The following MTUS2 variants were observed in gnomAD, a reference collection of about 807,000 sequenced individuals.
MTUS2 encodes microtubule associated scaffold protein 2.
A neutral mutation model predicts 114.1 loss-of-function variants in MTUS2; 40 were observed. The observed-to-expected ratio is 0.35, with a 90% CI of 0.27 to 0.46. MTUS2 has a LOEUF of 0.46. Ranked by LOEUF, MTUS2 falls within the 20% of genes least tolerant of loss-of-function variation. MTUS2 has a pLI of 1.00. For missense variants in MTUS2, 1,679 were observed against 1,705.4 expected, an observed-to-expected ratio of 0.98 and a Z score of 0.27; for synonymous variants, 688 against 672.0, an observed-to-expected ratio of 1.02 and a Z score of -0.37.
chr13:29,019,026 C>T (rs376699490), intron 2 of MTUS2, among the ~76,000 whole-genome samples: 2 of 151,906 alleles, frequency 1.3e-5, no homozygotes, highest in Admixed American at 6.6e-5. Flanking sequence ...AAACAATGGC[C>T]CTTACACAAC....
intron 2 of MTUS2, among the ~76,000 whole-genome samples, chr13:29,012,395 C>A (rs1885884413): frequency 6.6e-6 from 1 of 152,106 alleles, no homozygotes; most frequent in African/African-American, 2.4e-5. Context: ...GCTACTCAGT[C>A]CAGCGTGTCC....
intron 9 of MTUS2, among the ~76,000 whole-genome samples, chr13:29,443,298 T>C (rs1429027350): frequency 6.6e-6 from 1 of 152,208 alleles, no homozygotes; most frequent in Non-Finnish European, 1.5e-5. Flanking sequence ...GCACTCCCCA[T>C]GGGCAAGCTT....
chr13:28,865,491 C>A, intron 2 of MTUS2, among the ~76,000 whole-genome samples: 1 of 152,178 alleles, frequency 6.6e-6, no homozygotes, highest in South Asian at 2.1e-4. Flanking sequence ...CTTTTCTCAG[C>A]CATTTGTGCT....
In MTUS2 at chr13:29,033,926, C is replaced by T. The variant is rs767059673; in HGVS notation, c.2247C>T (p.Pro749=). The T allele has an allele frequency of 1.9e-6, 3 of 1,613,950 alleles. No homozygotes were observed. Among genetic ancestry groups the T allele is most frequent in the Non-Finnish European group, 2.5e-6 (3 of 1,179,860 alleles). The part of the protein sequence containing the change: ...HPGKEEFCSP[P]YAHYEVPPTF... ...GAAAAGAAGAGTTTTGTTCTCCTCC[C>T]TATGCTCATTATGAAGTCCCTCCAA... The change falls in exon 4 of 16, where the codon CCC becomes CCT. Residue 749 remains proline (P), a synonymous_variant. Coordinates refer to ENST00000612955, the MANE Select transcript of MTUS2 (RefSeq NM_001033602.4).
rs1305857562 is a variant in MTUS2, at chr13:29,024,513, C to G, written c.-186C>G. The G allele has an allele frequency of 1.5e-6, 1 of 658,080 alleles. No homozygotes were observed. Among genetic ancestry groups the G allele is most frequent in the Non-Finnish European group, 2.6e-6 (1 of 390,006 alleles). The allele number at this position is 658,080 out of a possible 1,614,324, so 40.8% of individuals were successfully genotyped here. A position where few individuals can be genotyped will look rare whatever the true frequency, so the allele number is the denominator to read the frequency against. On this transcript the variant is annotated 5_prime_UTR_variant, in exon 3 of 16. Coordinates refer to ENST00000612955, the MANE Select transcript of MTUS2 (RefSeq NM_001033602.4). Reference sequence around the variant, plus strand: ...GGAACCTAACAGATAAGTCTTCCTGCTGTATATCAAGACAATGCTTGGTTT... The same window carrying G: ...GGAACCTAACAGATAAGTCTTCCTGGTGTATATCAAGACAATGCTTGGTTT...
chr13:28,995,486 T>C (rs910711028), intron 2 of MTUS2, among the ~76,000 whole-genome samples: 4 of 152,174 alleles, frequency 2.6e-5, no homozygotes, highest in African/African-American at 9.7e-5. Flanking sequence ...TAAATTACCT[T>C]GGGCAGTATG....
intron 6 of MTUS2, among the ~76,000 whole-genome samples, chr13:29,310,256 A>G (rs142097727): frequency 6.8e-4 from 104 of 152,308 alleles, no homozygotes; most frequent in Non-Finnish European, 1.2e-3. Context: ...AGTTCAAGTA[A>G]CCTGCCTCAG....
chr13:28,912,304 G>A (rs9579250), intron 2 of MTUS2, among the ~76,000 whole-genome samples: 5 of 152,100 alleles, frequency 3.3e-5, no homozygotes, highest in East Asian at 3.9e-4. Flanking sequence ...CAGGTTTGTC[G>A]AAGATCAGAT....
At chr13:28,993,908 T>A (rs1199317971) in intron 2 of MTUS2, among the ~76,000 whole-genome samples, 1 of 152,156 alleles carries the variant, frequency 6.6e-6, no homozygotes, top group African/African-American at 2.4e-5. Flanking sequence ...TATTTTTATT[T>A]TTTATTATTA....
intron 2 of MTUS2, among the ~76,000 whole-genome samples, chr13:28,924,745 A>G (rs1881237405): frequency 6.6e-6 from 1 of 152,168 alleles, no homozygotes; most frequent in Admixed American, 6.5e-5. Flanking sequence ...GCAGTGCCCA[A>G]GACCCTCAGT....
intron 14 of MTUS2, 124 bp from the exon 15 acceptor site, chr13:29,500,973 A>T: frequency 1.5e-6 from 1 of 686,894 alleles, no homozygotes; most frequent in Non-Finnish European, 2.5e-6. Context: ...CCACTAAAGC[A>T]TTGCGAACTG....
intron 4 of MTUS2, among the ~76,000 whole-genome samples, chr13:29,074,618 A>C (rs1300477646): frequency 6.6e-6 from 1 of 151,980 alleles, no homozygotes; most frequent in African/African-American, 2.4e-5. Context: ...GGTAATTTTC[A>C]TTTTCTAAGC....
In MTUS2 at chr13:28,905,794, T is replaced by G. The variant is rs987722278; in HGVS notation, c.-243+65944T>G. 2.6e-4 allele frequency among the ~76,000 whole-genome samples: 40 copies of G among 151,726 alleles called. 1 individual carries two copies. The highest frequency in any genetic ancestry group is 9.8e-4 in the Admixed American group (15 of 15,250). On this transcript the variant is annotated intron_variant, in intron 2 of 15. Transcript: ENST00000612955. ...AAAATGAGTTAGGGAGGATTCCCTC[T>G]TTTTCTATTGATTGGAATAGTTTCA... is the stretch of plus-strand genomic sequence containing the variant.
At chr13:29,409,797 C>CT (rs201600159) in intron 8 of MTUS2, among the ~76,000 whole-genome samples, 29,579 of 142,040 alleles carry the variant, frequency 0.21, 3,114 homozygotes, top group Middle Eastern at 0.28. Flanking sequence ...CTTCATTCGT[C>CT]TTTTTTTTTT....
intron 2 of MTUS2, among the ~76,000 whole-genome samples, chr13:28,952,994 A>T (rs1407376160): frequency 6.6e-6 from 1 of 152,180 alleles, no homozygotes; most frequent in South Asian, 2.1e-4. Context: ...TGCTTCTAAA[A>T]TTTTTTTAAC....
At chr13:29,190,962 A>C (rs374238431) in intron 5 of MTUS2, among the ~76,000 whole-genome samples, 2 of 152,258 alleles carry the variant, frequency 1.3e-5, no homozygotes, top group Admixed American at 1.3e-4. Flanking sequence ...GCTTGCCCAC[A>C]TAGGCATGCT....
At chr13:29,476,555 A>G (rs1033590606) in intron 9 of MTUS2, 3 of 55,858 alleles carry the variant, frequency 5.4e-5, no homozygotes, top group African/African-American at 1.2e-4. Flanking sequence ...TTCACATACC[A>G]TACAACCCAC....
rs1896406465 is a variant in MTUS2, at chr13:29,233,273, G to C, written c.2645-48431G>C. Among the ~76,000 whole-genome samples the C allele has an allele frequency of 1.3e-5, 2 of 151,500 alleles. 1 individual carries two copies. The highest frequency in any genetic ancestry group is 4.2e-4 in the South Asian group (2 of 4,780). On this transcript the variant is annotated intron_variant, in intron 5 of 15. Coordinates refer to ENST00000612955, the MANE Select transcript of MTUS2 (RefSeq NM_001033602.4). ...TTGGGGTAATGTAGAAACACCCTGA[G>C]CCTAGCACAGTTGGACATAGGTGAC...
At chr13:29,049,017 A>G (rs1471298286) in intron 4 of MTUS2, among the ~76,000 whole-genome samples, 3 of 152,174 alleles carry the variant, frequency 2.0e-5, no homozygotes, top group African/African-American at 7.2e-5. Flanking sequence ...GCGTGTACTG[A>G]TCAGCAATTC....
Sources: allele counts gnomAD v4.1 joint callset (sites outside exome capture counted in the v4.1 genomes callset), GRCh38; gene constraint gnomAD v4.1.1; transcripts MANE v1.5; gene names NCBI Gene and HGNC (gene_info 2026-07-23, HGNC 2026-07-21).